Variants in STAM2 observed in about 807,000 individuals in gnomAD.
STAM2 encodes signal transducing adapter molecule 2.
A neutral mutation model predicts 65.6 loss-of-function variants in STAM2; 51 were observed. The ratio of observed to expected loss-of-function variants is 0.78; its 90% CI spans 0.62 to 0.98. STAM2 has a LOEUF of 0.98. Among genes scored for constraint, STAM2 ranks in the 50% least tolerant of loss-of-function variants. The pLI is 0.00. For missense variants in STAM2, 584 were observed against 617.8 expected, an observed-to-expected ratio of 0.95 and a Z score of 0.58; for synonymous variants, 198 against 208.4, an observed-to-expected ratio of 0.95 and a Z score of 0.43.
chr2:152,147,960 G>C, intron 4 of STAM2, 64 bp downstream of exon 4: 1 of 1,221,296 alleles, frequency 8.2e-7, no homozygotes, highest in Non-Finnish European at 1.2e-6. Context: ...GCCACATATA[G>C]TTATAATGAC....
chr2:152,150,861 A>T (rs981779104), intron 1 of STAM2, among the ~76,000 whole-genome samples: 1 of 152,056 alleles, frequency 6.6e-6, no homozygotes, highest in Admixed American at 6.6e-5. Context: ...CTGTCCAATA[A>T]AGCATTGGTT....
intron 1 of STAM2, among the ~76,000 whole-genome samples, chr2:152,164,903 C>G (rs946514188): frequency 1.3e-5 from 2 of 152,080 alleles, no homozygotes; most frequent in African/African-American, 4.8e-5. Context: ...CTGGGGCCAG[C>G]CTTTATTTTC....
chr2:152,123,793 G>T lies in STAM2; in HGVS notation c.1322C>A (p.Ala441Glu), dbSNP rs779947115. 4 of 1,613,996 alleles carry T rather than the reference G, an allele frequency of 2.5e-6. No homozygotes were observed. In the South Asian group the frequency reaches 3.3e-5, roughly 13 times the overall value. ...TAAATATGAAGTTTGAGCAGGCTGT[G>T]CTGTCACTGAGGAATTCACATTTGG... ...LPPNVNSSVT[A>E]QPAQTSYLST... The change falls in exon 13 of 14, where the codon GCA (alanine) becomes GAA (glutamate). Residue 441 changes from alanine to glutamate, a missense_variant. Physicochemically the swap from Ala to Glu is moderately radical, Grantham distance 107. Transcript: ENST00000263904.
At chr2:152,154,879 G>C (rs115462008) in intron 1 of STAM2, among the ~76,000 whole-genome samples, 1 of 152,258 alleles carries the variant, frequency 6.6e-6, no homozygotes, top group African/African-American at 2.4e-5. Context: ...ACAAGCTAGA[G>C]AAAAGTTATC....
intron 1 of STAM2, among the ~76,000 whole-genome samples, chr2:152,171,330 T>C (rs1429514992): frequency 1.3e-5 from 2 of 152,184 alleles, no homozygotes; most frequent in Non-Finnish European, 2.9e-5. Flanking sequence ...AAATATTTCA[T>C]AGTTTAAAAA....
At chr2:152,149,528 C>T (rs1481101836) in intron 2 of STAM2, among the ~76,000 whole-genome samples, 1 of 146,150 alleles carries the variant, frequency 6.8e-6, no homozygotes, top group Non-Finnish European at 1.5e-5. Flanking sequence ...GACAGAGTCT[C>T]GCTCTACCGT....
chr2:152,123,953 A>G lies in STAM2; in HGVS notation c.1180-18T>C, dbSNP rs1427488157. 4 of 1,606,582 alleles carry G rather than the reference A, an allele frequency of 2.5e-6. No individual in the cohort carries two copies. Among genetic ancestry groups the G allele is most frequent in the Non-Finnish European group, 3.4e-6 (4 of 1,176,082 alleles). ...GGATATGTCTATTAATCAGAAAGAA[A>G]AAGTTGATTCACTCATCTCCCAAAC... is the stretch of plus-strand genomic sequence containing the variant. On this transcript the variant is annotated intron_variant, in intron 12 of 13. Coordinates refer to ENST00000263904, the MANE Select transcript of STAM2 (RefSeq NM_005843.6).
At chr2:152,152,842 G>A (rs1339079973) in intron 1 of STAM2, among the ~76,000 whole-genome samples, 2 of 152,134 alleles carry the variant, frequency 1.3e-5, no homozygotes, top group Non-Finnish European at 2.9e-5. Context: ...ATATACACAG[G>A]TAGTAAAAAT....
chr2:152,148,812 T>C (rs1392645328), intron 2 of STAM2, among the ~76,000 whole-genome samples: 3 of 152,066 alleles, frequency 2.0e-5, no homozygotes, highest in African/African-American at 7.2e-5. Flanking sequence ...AAATGTTGTG[T>C]ATTCCAAAAT....
Position 152,142,209 on chromosome 2 carries a change from T to G in STAM2, c.704+1618A>C, listed in dbSNP as rs528742864. 3.4e-3 allele frequency among the ~76,000 whole-genome samples: 514 copies of G among 152,348 alleles called. 3 individuals are homozygous for G. The highest frequency in any genetic ancestry group is 0.012 in the African/African-American group (496 of 41,580). ...CCTACAAATTCCATCACATTCATGT[T>G]GAATTCTCTTAGCAGTTACAAATAA... On this transcript the variant is annotated intron_variant, in intron 7 of 13. Transcript: ENST00000263904.
chr2:152,171,179 T>G (rs1197751737), intron 1 of STAM2, among the ~76,000 whole-genome samples: 1 of 152,196 alleles, frequency 6.6e-6, no homozygotes, highest in African/African-American at 2.4e-5. Context: ...TGGGATCAGG[T>G]AGCTGCTAAA....
chr2:152,147,452 G>T, intron 4 of STAM2, 144 bp from the exon 5 acceptor site: 1 of 711,110 alleles, frequency 1.4e-6, no homozygotes. Context: ...GCCTAGTTGA[G>T]TAATTGATAG....
Position 152,126,277 on chromosome 2 carries a change from C to G in STAM2, c.1128G>C (p.Lys376Asn). 6.2e-7 allele frequency: 1 copy of G among 1,611,696 alleles called. No homozygotes were observed. Among genetic ancestry groups the G allele is most frequent in the Non-Finnish European group, 8.5e-7 (1 of 1,178,858 alleles). Reference sequence around the variant, plus strand: ...GTGGGTAATGTGCTGGAGGGTGGAGCTTTGAATAGACTGAGTACACTGGTG... The same window carrying G: ...GTGGGTAATGTGCTGGAGGGTGGAGGTTTGAATAGACTGAGTACACTGGTG... ...NEAPVYSVYSKLHPPAHYPPA... is the reference protein window; with the variant it reads ...NEAPVYSVYSNLHPPAHYPPA... The change falls in exon 12 of 14, where the codon AAG (lysine) becomes AAC (asparagine). Residue 376 changes from lysine (K) to asparagine (N), a missense_variant. Lys to Asn is a moderately conservative substitution (Grantham distance 94). Transcript: ENST00000263904.
intron 7 of STAM2, among the ~76,000 whole-genome samples, chr2:152,141,196 G>C (rs1004407475): frequency 2.0e-5 from 3 of 149,278 alleles, no homozygotes; most frequent in African/African-American, 7.4e-5. Context: ...AAAGCTAAAA[G>C]TGTAGAAAGT....
intron 7 of STAM2, among the ~76,000 whole-genome samples, chr2:152,142,622 A>G (rs1420001597): frequency 6.6e-6 from 1 of 152,198 alleles, no homozygotes; most frequent in Non-Finnish European, 1.5e-5. Context: ...ACAGTATTCA[A>G]TAAGTTACAT....
In STAM2 at chr2:152,169,188, T is replaced by C. The variant is rs535768013; in HGVS notation, c.40+6415A>G. ...AGAACTAGAATACAGATTTGTAACA[T>C]ACATACCCAACTAAAGATTAGTAAG... On this transcript the variant is annotated intron_variant, in intron 1 of 13. Transcript: ENST00000263904. Among the ~76,000 whole-genome samples, 6 of 152,328 alleles carry C rather than the reference T, an allele frequency of 3.9e-5. No individual in the cohort carries two copies. In the East Asian group the frequency reaches 1.2e-3, roughly 29 times the overall value.
At chr2:152,168,691 T>C (rs947040929) in intron 1 of STAM2, among the ~76,000 whole-genome samples, 1 of 152,206 alleles carries the variant, frequency 6.6e-6, no homozygotes, top group African/African-American at 2.4e-5. Context: ...AAAAATAAAA[T>C]TATAATGTCT....
intron 11 of STAM2, among the ~76,000 whole-genome samples, chr2:152,126,857 G>C (rs1398360640): frequency 6.6e-6 from 1 of 152,168 alleles, no homozygotes; most frequent in African/African-American, 2.4e-5. Context: ...ACTGTGGGCG[G>C]AGTCTTCATT....
Position 152,135,603 on chromosome 2 carries a change from A to G in STAM2, c.705T>C (p.Ser235=), listed in dbSNP as rs758174591. The change falls in exon 8 of 14, where the codon AGT becomes AGC. Residue 235 remains serine, a splice_region_variant and synonymous_variant. Coordinates refer to ENST00000263904, the MANE Select transcript of STAM2 (RefSeq NM_005843.6). ...TTTCTCCTTTCCACCAATTGGCATC[A>G]CTAAAAATACAGTGCAAAAAATATC... ...HGEIIIVLDD[S]DANWWKGENH... The G allele has an allele frequency of 5.6e-6, 9 of 1,596,590 alleles. No individual in the cohort carries two copies. The East Asian group carries it at 1.8e-4, about 32-fold the overall frequency.
Sources: allele counts gnomAD v4.1 joint callset (sites outside exome capture counted in the v4.1 genomes callset), GRCh38; gene constraint gnomAD v4.1.1; transcripts MANE v1.5; gene names NCBI Gene and HGNC (gene_info 2026-07-23, HGNC 2026-07-21).